The following IDI1 variants were observed in gnomAD, a reference collection of about 807,000 sequenced individuals.
IDI1 encodes the protein isopentenyl-diphosphate delta isomerase 1.
In IDI1, 23 loss-of-function variants were observed where a neutral mutation model predicts 32.9. The ratio of observed to expected loss-of-function variants is 0.70; its 90% confidence interval spans 0.50 to 0.99. The LOEUF is 0.99. Ranked by LOEUF, IDI1 falls within the 50% of genes least tolerant of loss-of-function variation. The pLI is 0.00. For missense variants in IDI1, 326 were observed against 351.9 expected (o/e 0.93, Z 0.59); for synonymous variants, 133 against 128.2 (o/e 1.04, Z -0.25).
Position 1,043,400 on chromosome 10 carries a change from G to T in IDI1, c.314-7C>A. ...AAAGCTCGATGCAATAATCCTGAAA[G>T]CAAAAGAAATAACAATTATTTTAGC... On this transcript the variant is annotated splice_region_variant and splice_polypyrimidine_tract_variant and intron_variant, in intron 2 of 4. Coordinates refer to ENST00000381344, the MANE Select transcript of IDI1 (RefSeq NM_004508.4). 1 of 1,565,432 alleles carries T rather than the reference G, an allele frequency of 6.4e-7. No homozygotes were observed. Among genetic ancestry groups the T allele is most frequent in the African/African-American group, 1.3e-5 (1 of 74,116 alleles).
At chr10:1,045,929 TATTG>T (rs1290590839) in intron 1 of IDI1, among the ~76,000 whole-genome samples, 5 of 152,070 alleles carry the variant, frequency 3.3e-5, no homozygotes, top group African/African-American at 1.2e-4. Context: ...ATGATGGAGA[TATTG>T]ATATCTAATA....
chr10:1,054,411 A>G, the IDI1 span, among the ~76,000 whole-genome samples: 2 of 152,264 alleles, frequency 1.3e-5, no homozygotes, highest in African/African-American at 2.4e-5. Flanking sequence ...ATAATCAGTA[A>G]TGAGGACAAT....
chr10:1,049,098 C>A lies in IDI1; in HGVS notation c.-95G>T. ...CTCCCTGGCCTGTGACAACGGCAGA[C>A]GCGCGAAGCACCGGGAACCTGAGCC... On this transcript the variant is annotated 5_prime_UTR_variant, in exon 1 of 5. Coordinates refer to ENST00000381344, the MANE Select transcript of IDI1 (RefSeq NM_004508.4). The A allele has an allele frequency of 1.4e-6, 2 of 1,406,262 alleles. No individual in the cohort carries two copies. The highest frequency in any genetic ancestry group is 9.2e-7 in the Non-Finnish European group (1 of 1,087,552). 87.1% of individuals were successfully genotyped at this position (1,406,262 alleles called of 1,614,324 possible).
chr10:1,048,249 G>A, intron 1 of IDI1: 1 of 1,303,392 alleles, frequency 7.7e-7, no homozygotes, highest in Non-Finnish European at 1.0e-6. Flanking sequence ...GTCTATTTAT[G>A]CGTTTAAAGA....
At chr10:1,049,908 T>C (rs1221086726), upstream of IDI1, among the ~76,000 whole-genome samples, 1 of 152,200 alleles carries the variant, frequency 6.6e-6, no homozygotes, top group Non-Finnish European at 1.5e-5. Context: ...CTGGCTCAGC[T>C]TACCGAAGTG....
chr10:1,045,445 T>C (rs2131579384), intron 1 of IDI1, among the ~76,000 whole-genome samples: 1 of 152,394 alleles, frequency 6.6e-6, no homozygotes, highest in Non-Finnish European at 1.5e-5. Context: ...GTGACTCTAT[T>C]TCAAATACAT....
chr10:1,048,799 C>G, intron 1 of IDI1, 65 bp downstream of exon 1: 1 of 1,565,602 alleles, frequency 6.4e-7, no homozygotes, highest in Non-Finnish European at 8.6e-7. Context: ...CTCCCCGCCC[C>G]GTCCCGCAGC....
In IDI1 at chr10:1,048,448, G is replaced by A. The variant is rs996314518; in HGVS notation, c.140+416C>T. ...CACACGCGTGGACTCGGCACGGGGA[G>A]GCCGGTGTCGTCACGCTCGTGTTTC... On this transcript the variant is annotated intron_variant, in intron 1 of 4. Coordinates refer to ENST00000381344, the MANE Select transcript of IDI1 (RefSeq NM_004508.4). The A allele has an allele frequency of 2.4e-6, 3 of 1,274,060 alleles. No individual in the cohort carries two copies. The Admixed American group carries it at 7.9e-5, about 34-fold the overall frequency. The allele number at this position is 1,274,060 out of a possible 1,614,324, so 78.9% of individuals were successfully genotyped here.
intron 4 of IDI1, among the ~76,000 whole-genome samples, chr10:1,041,794 ATTC>A (rs765549399): frequency 2.0e-5 from 3 of 147,522 alleles, no homozygotes; most frequent in Non-Finnish European, 3.0e-5. Flanking sequence ...GAAATGTGAC[ATTC>A]TTCTTTTTCT....
At chr10:1,042,833 TA>T (rs1832657986) in intron 3 of IDI1, 71 bp from the exon 4 acceptor site, 1 of 1,286,750 alleles carries the variant, frequency 7.8e-7, no homozygotes, top group African/African-American at 1.5e-5. Context: ...GAAAAAGTTT[TA>T]TAAGTAACTG....
At chr10:1,043,160 T>C (rs1174945854) in intron 3 of IDI1, 141 bp downstream of exon 3, 2 of 614,034 alleles carry the variant, frequency 3.3e-6, no homozygotes, top group Admixed American at 3.0e-5. Context: ...GTTGCACTCA[T>C]TGTGTAAACT....
chr10:1,048,997 G>A lies in IDI1; in HGVS notation c.7C>T (p.Arg3Cys). Residue 3 changes from arginine (R) to cysteine (C), a missense_variant, in exon 1 of 5, where the codon CGT (arginine) becomes TGT (cysteine). Physicochemically the swap from Arg to Cys is radical, Grantham distance 180. Coordinates refer to ENST00000381344, the MANE Select transcript of IDI1 (RefSeq NM_004508.4). Reference sequence around the variant, plus strand: ...ATCGCTCGCGCCAGCGCCAGTCCACGCCACATCGCCCGGCCAATTGGCGCC... The same window carrying A: ...ATCGCTCGCGCCAGCGCCAGTCCACACCACATCGCCCGGCCAATTGGCGCC... MW[R>C]GLALARAIGC... is the part of the protein sequence containing the mutation. 1 of 1,498,698 alleles carries A rather than the reference G, an allele frequency of 6.7e-7. No individual in the cohort carries two copies. The highest frequency in any genetic ancestry group is 8.8e-7 in the Non-Finnish European group (1 of 1,132,838). 92.8% of individuals were successfully genotyped at this position (1,498,698 alleles called of 1,614,324 possible). A position where few individuals can be genotyped will look rare whatever the true frequency, so the allele number is the denominator to read the frequency against.
At chr10:1,044,945 A>T (rs1447041608) in intron 1 of IDI1, among the ~76,000 whole-genome samples, 2 of 152,260 alleles carry the variant, frequency 1.3e-5, no homozygotes, top group Non-Finnish European at 2.9e-5. Flanking sequence ...CAATAGGTGA[A>T]CTGGGCAGTA....
the IDI1 span, among the ~76,000 whole-genome samples, chr10:1,056,197 T>C: frequency 1.3e-5 from 2 of 152,254 alleles, no homozygotes; most frequent in Non-Finnish European, 2.9e-5. Flanking sequence ...CTAGGTGGGC[T>C]TCAAATGCGC....
chr10:1,051,026 G>A (rs1230849256), upstream of IDI1, among the ~76,000 whole-genome samples: 1 of 152,190 alleles, frequency 6.6e-6, no homozygotes, highest in East Asian at 1.9e-4. Context: ...TTTGGAATTT[G>A]AAACCACTTC....
chr10:1,044,105 T>C lies in IDI1; in HGVS notation c.207A>G (p.Gln69=). The change falls in exon 2 of 5, where the codon CAA becomes CAG. Residue 69 remains glutamine (Q), a synonymous_variant. Transcript: ENST00000381344. ...ACATCTCTGCCAGGAGTTGAACCTG[T>C]TGCTTGTCGAGGTGGTTAGTGTTTA... ...PEINTNHLDK[Q]QVQLLAEMCI... is the part of the protein sequence containing the mutation. 6.2e-7 allele frequency: 1 copy of C among 1,613,886 alleles called. No individual in the cohort carries two copies. Among genetic ancestry groups the C allele is most frequent in the Non-Finnish European group, 8.5e-7 (1 of 1,179,734 alleles).
chr10:1,055,128 G>A, the IDI1 span, among the ~76,000 whole-genome samples: 1 of 152,234 alleles, frequency 6.6e-6, no homozygotes, highest in South Asian at 2.1e-4. Context: ...CACATCAACA[G>A]TGAAAAGAAT....
At chr10:1,043,887 A>G in intron 2 of IDI1, 112 bp downstream of exon 2, 2 of 894,814 alleles carry the variant, frequency 2.2e-6, no homozygotes, top group Admixed American at 4.3e-5. Context: ...GGAACCAACG[A>G]GAAAATACGG....
chr10:1,045,967 T>C (rs1210540723), intron 1 of IDI1, among the ~76,000 whole-genome samples: 3 of 152,166 alleles, frequency 2.0e-5, no homozygotes, highest in Non-Finnish European at 4.4e-5. Flanking sequence ...ATAAGGTTAA[T>C]GATTAAAACA....
Sources: allele counts gnomAD v4.1 joint callset (sites outside exome capture counted in the v4.1 genomes callset), GRCh38; gene constraint gnomAD v4.1.1; transcripts MANE v1.5; gene names NCBI Gene and HGNC (gene_info 2026-07-23, HGNC 2026-07-21).